ZNF469: variants seen among roughly 807,000 people sequenced by gnomAD.
ZNF469 encodes zinc finger protein 469.
ZNF469 carries 1 observed loss-of-function variant against 1.0 expected under a neutral mutation model. The observed-to-expected ratio is 1.00, with a 90% confidence interval of 0.35 to 4.73. The LOEUF (loss-of-function observed/expected upper bound fraction) is 4.73, where lower values mean the gene tolerates loss of function less well. Ranked by LOEUF, ZNF469 falls within the 30% of genes most tolerant of loss-of-function variation. ZNF469 has a pLI of 0.16. For synonymous variants in ZNF469, 2,703 were observed against 2,363.4 expected (o/e 1.14, Z -4.17); for missense variants, 6,100 against 5,356.3 (o/e 1.14, Z -4.33).
Position 88,431,389 on chromosome 16 carries a change from G to T in ZNF469, c.3919G>T (p.Gly1307Cys), listed in dbSNP as rs568553875. The change falls in exon 3 of 3, where the codon GGC (glycine) becomes TGC (cysteine). Residue 1307 changes from glycine (G) to cysteine (C), a missense_variant. Transcript: ENST00000565624. ...GVGSLLGGPGGTQAPVSHNSK... is the reference protein window; with the variant it reads ...GVGSLLGGPGCTQAPVSHNSK... ...GGGCAGCCTGCTGGGTGGTCCTGGG[G>T]GCACACAGGCCCCAGTCTCCCACAA... 2.1e-5 allele frequency: 32 copies of T among 1,550,132 alleles called. No homozygotes were observed. Among genetic ancestry groups the T allele is most frequent in the Non-Finnish European group, 2.8e-5 (32 of 1,146,952 alleles).
chr16:88,345,324 G>C, the ZNF469 span, among the ~76,000 whole-genome samples: 1 of 152,232 alleles, frequency 6.6e-6, no homozygotes, highest in Non-Finnish European at 1.5e-5. Flanking sequence ...GGGCTTCTGA[G>C]CACCTGAGGC....
chr16:88,215,488 C>G, the ZNF469 span, among the ~76,000 whole-genome samples: 2 of 137,938 alleles, frequency 1.4e-5, no homozygotes, highest in South Asian at 4.8e-4. Flanking sequence ...CTCCAGGGTT[C>G]AAGCGATTCT....
At chr16:88,193,251 G>A in the ZNF469 span, among the ~76,000 whole-genome samples, 1 of 146,842 alleles carries the variant, frequency 6.8e-6, no homozygotes, top group Non-Finnish European at 1.5e-5. Context: ...TGGTGGTGAT[G>A]GTGGTGATGG....
chr16:88,270,495 G>C, the ZNF469 span, among the ~76,000 whole-genome samples: 7 of 152,230 alleles, frequency 4.6e-5, no homozygotes, highest in Non-Finnish European at 7.3e-5. Context: ...TGGCTGCTCA[G>C]GGCCTGCTTA....
At chr16:88,289,301 TGAG>T in the ZNF469 span, among the ~76,000 whole-genome samples, 856 of 151,630 alleles carry the variant, frequency 5.6e-3, 7 homozygotes, top group African/African-American at 0.02. Flanking sequence ...ATGATGGTGA[TGAG>T]GATGATGGTG....
At chr16:88,300,919 G>A in the ZNF469 span, among the ~76,000 whole-genome samples, 1 of 152,016 alleles carries the variant, frequency 6.6e-6, no homozygotes, top group African/African-American at 2.4e-5. Context: ...ACACAAATTA[G>A]CCAATCGTGG....
At position 88,430,530 on chromosome 16, in the gene ZNF469, G is replaced by A. The variant is rs1055705235; in HGVS notation, c.3060G>A (p.Glu1020=). The A allele has an allele frequency of 1.4e-5, 20 of 1,459,758 alleles. No individual in the cohort carries two copies. In the African/African-American group the frequency reaches 2.7e-4, roughly 20 times the overall value. 90.4% of individuals were successfully genotyped at this position (1,459,758 alleles called of 1,614,324 possible). A position where few individuals can be genotyped will look rare whatever the true frequency, so the allele number is the denominator to read the frequency against. Residue 1020 remains glutamate, a synonymous_variant, in exon 3 of 3, where the codon GAG becomes GAA. Transcript: ENST00000565624. ...TCCCGAGAGCCGCCGCCCTCCCCGA[G>A]GAGACCCGCAGCTCCCGGCGCCGCC... The part of the protein sequence containing the change: ...PRVPRAAALP[E]ETRSSRRRRL...
the ZNF469 span, among the ~76,000 whole-genome samples, chr16:88,142,552 C>A: frequency 1.3e-5 from 2 of 152,218 alleles, no homozygotes; most frequent in Non-Finnish European, 2.9e-5. Flanking sequence ...ATCAACAGCA[C>A]AGACCTCAGC....
At chr16:88,160,693 G>T in the ZNF469 span, among the ~76,000 whole-genome samples, 1 of 152,314 alleles carries the variant, frequency 6.6e-6, no homozygotes, top group Admixed American at 6.5e-5. Context: ...TGTTGTTAGG[G>T]TTGAGGCACT....
At chr16:88,338,721 G>C in the ZNF469 span, among the ~76,000 whole-genome samples, 78 of 152,274 alleles carry the variant, frequency 5.1e-4, 1 homozygote, top group Non-Finnish European at 7.4e-4. Flanking sequence ...TTATCAGAAG[G>C]GGGGATATGG....
intron 1 of ZNF469, among the ~76,000 whole-genome samples, chr16:88,390,151 G>A (rs1284024087): frequency 6.6e-6 from 1 of 152,220 alleles, no homozygotes; most frequent in Non-Finnish European, 1.5e-5. Context: ...GGAAACCCAG[G>A]ACATCCCTGT....
the ZNF469 span, among the ~76,000 whole-genome samples, chr16:88,145,918 C>T: frequency 1.3e-5 from 2 of 152,352 alleles, no homozygotes; most frequent in South Asian, 2.1e-4. Context: ...CAGGGCCCAG[C>T]GGTCCGGCCT....
At chr16:88,146,641 C>T in the ZNF469 span, among the ~76,000 whole-genome samples, 4 of 152,020 alleles carry the variant, frequency 2.6e-5, no homozygotes, top group African/African-American at 4.8e-5. Context: ...GCCCTGGGGA[C>T]GGCTGCTCCC....
Position 88,437,990 on chromosome 16 carries a change from C to G in ZNF469, c.10520C>G (p.Ala3507Gly). Residue 3507 changes from alanine (A) to glycine (G), a missense_variant, in exon 3 of 3, where the codon GCC becomes GGC. Ala to Gly is a moderately conservative substitution (Grantham distance 60). Coordinates refer to ENST00000565624, the MANE Select transcript of ZNF469 (RefSeq NM_001367624.2). ...ATCCTGAGTGAGGGCTCTCTCCCGG[C>G]CCTGCTCCACCTGTGTTCGGAGGTG... ...SPILSEGSLP[A>G]LLHLCSEVAP... 6.5e-7 allele frequency: 1 copy of G among 1,548,804 alleles called. No homozygotes were observed.
chr16:88,147,442 A>C, the ZNF469 span, among the ~76,000 whole-genome samples: 1 of 151,886 alleles, frequency 6.6e-6, no homozygotes, highest in Admixed American at 6.5e-5. Flanking sequence ...TCGGGTGGGG[A>C]GCACCGACTG....
chr16:88,355,690 A>G, the ZNF469 span, among the ~76,000 whole-genome samples: 2 of 152,298 alleles, frequency 1.3e-5, no homozygotes, highest in East Asian at 1.9e-4. Context: ...TAACAGGCCT[A>G]TCATCCAGGG....
At chr16:88,214,296 A>T in the ZNF469 span, among the ~76,000 whole-genome samples, 1 of 152,134 alleles carries the variant, frequency 6.6e-6, no homozygotes, top group Non-Finnish European at 1.5e-5. Flanking sequence ...CACAGCAAGG[A>T]TTTCCTATAA....
chr16:88,354,219 C>T, the ZNF469 span, among the ~76,000 whole-genome samples: 2 of 152,188 alleles, frequency 1.3e-5, no homozygotes, highest in Non-Finnish European at 2.9e-5. Context: ...CAGGAGCCGC[C>T]AGCATTTGAA....
the ZNF469 span, among the ~76,000 whole-genome samples, chr16:88,152,667 T>C: frequency 6.6e-6 from 1 of 151,890 alleles, no homozygotes; most frequent in South Asian, 2.1e-4. The surrounding 1 kb of genome is among the most constrained non-coding windows in gnomAD (Gnocchi z 4.2). Flanking sequence ...CCTGGGCCTC[T>C]GGATGGATTT....
Sources: gnomAD v4.1 joint callset for allele counts (sites outside exome capture counted in the v4.1 genomes callset) on GRCh38, gnomAD v4.1.1 for gene constraint, Gnocchi (gnomAD v3.1) non-coding constraint, MANE v1.5 for transcripts, NCBI Gene and HGNC (gene_info 2026-07-23, HGNC 2026-07-21) for gene names.